Variants in WWOX observed in about 807,000 individuals in gnomAD.
WWOX encodes WW domain-containing oxidoreductase.
WWOX carries 69 observed loss-of-function variants against 46.2 expected under a neutral mutation model. The observed-to-expected ratio is 1.49, with a 90% CI of 1.23 to 1.82. WWOX has a LOEUF of 1.82. Ranked by LOEUF, WWOX falls within the 40% of genes most tolerant of loss-of-function variation. The pLI, the probability that WWOX is intolerant of heterozygous loss-of-function variation, is 0.00. For missense variants in WWOX, 919 were observed against 542.6 expected, an observed-to-expected ratio of 1.69 and a Z score of -6.89; for synonymous variants, 359 against 202.6, an observed-to-expected ratio of 1.77 and a Z score of -6.56.
intron 8 of WWOX, among the ~76,000 whole-genome samples, chr16:79,182,796 G>A (rs572055780): frequency 6.6e-6 from 1 of 152,294 alleles, no homozygotes; most frequent in Non-Finnish European, 1.5e-5. Context: ...CTTCGTGCCT[G>A]GCACAGAACG....
intron 5 of WWOX, among the ~76,000 whole-genome samples, chr16:78,239,881 C>T (rs775616029): frequency 1.3e-5 from 2 of 152,088 alleles, no homozygotes; most frequent in Admixed American, 6.5e-5. Context: ...CCTCAAGACT[C>T]ACAGGGAATG....
chr16:79,019,394 G>C (rs373152076), intron 8 of WWOX, among the ~76,000 whole-genome samples: 1 of 152,078 alleles, frequency 6.6e-6, no homozygotes, highest in African/African-American at 2.4e-5. Flanking sequence ...TATGCAACGT[G>C]TGATTGGGCT....
intron 5 of WWOX, among the ~76,000 whole-genome samples, chr16:78,313,574 C>A: frequency 6.6e-6 from 1 of 152,160 alleles, no homozygotes; most frequent in South Asian, 2.1e-4. Flanking sequence ...CCATGTTGGT[C>A]AGGCTGGCCT....
intron 8 of WWOX, among the ~76,000 whole-genome samples, chr16:78,588,530 G>T (rs943047198): frequency 6.6e-6 from 1 of 152,130 alleles, no homozygotes; most frequent in Non-Finnish European, 1.5e-5. Context: ...TCATGAAGAG[G>T]AATGAAATAC....
chr16:78,482,903 A>G (rs1187193490), intron 8 of WWOX, among the ~76,000 whole-genome samples: 2 of 152,192 alleles, frequency 1.3e-5, no homozygotes, highest in African/African-American at 4.8e-5. Context: ...GTTAAAAGGC[A>G]TGAAAAAGAA....
At chr16:78,535,181 G>C (rs912566515) in intron 8 of WWOX, 12 of 152,196 alleles carry the variant, frequency 7.9e-5, no homozygotes, top group Admixed American at 5.2e-4. Context: ...TCTTCGAACA[G>C]AGGCTGCAGA....
intron 8 of WWOX, among the ~76,000 whole-genome samples, chr16:79,051,796 C>T (rs1341891484): frequency 6.6e-6 from 1 of 152,204 alleles, no homozygotes; most frequent in Admixed American, 6.5e-5. Flanking sequence ...AAGACCTGTG[C>T]TAACATTCTT....
At chr16:78,532,386 C>T (rs934661374) in intron 8 of WWOX, among the ~76,000 whole-genome samples, 1 of 152,080 alleles carries the variant, frequency 6.6e-6, no homozygotes, top group Non-Finnish European at 1.5e-5. Flanking sequence ...GCCTTGAAAT[C>T]CTCATCTTTG....
intron 8 of WWOX, among the ~76,000 whole-genome samples, chr16:78,723,511 T>C (rs905512589): frequency 1.3e-5 from 2 of 152,212 alleles, no homozygotes; most frequent in Non-Finnish European, 2.9e-5. Context: ...CATCTTCTAC[T>C]ACCTTCTTCT....
chr16:78,536,206 C>T (rs1039646791), intron 8 of WWOX, among the ~76,000 whole-genome samples: 1 of 152,088 alleles, frequency 6.6e-6, no homozygotes, highest in Non-Finnish European at 1.5e-5. Flanking sequence ...TAATTTGGTG[C>T]CATTCTCCTC....
intron 3 of WWOX, among the ~76,000 whole-genome samples, 200 bp downstream of exon 3, chr16:78,110,035 C>T (rs954951739): frequency 2.6e-5 from 4 of 151,330 alleles, no homozygotes; most frequent in African/African-American, 7.3e-5. Flanking sequence ...CCCGCACACG[C>T]ATCCTTAAAA....
intron 8 of WWOX, among the ~76,000 whole-genome samples, chr16:79,131,487 C>A (rs920275847): frequency 6.6e-6 from 1 of 152,036 alleles, no homozygotes. Flanking sequence ...AAATGTTAAG[C>A]AATACCCCTG....
chr16:79,007,274 G>A (rs1385507603), intron 8 of WWOX, among the ~76,000 whole-genome samples: 1 of 152,136 alleles, frequency 6.6e-6, no homozygotes, highest in African/African-American at 2.4e-5. Flanking sequence ...CAAAGGGAGG[G>A]ACTTACATAA....
chr16:78,684,246 G>C (rs2047803081), intron 8 of WWOX, among the ~76,000 whole-genome samples: 4 of 152,328 alleles, frequency 2.6e-5, no homozygotes, highest in African/African-American at 9.6e-5. Context: ...GGACAGATTT[G>C]CCCTTGGCTC....
chr16:78,101,387 C>A (rs2031776699), intron 1 of WWOX, among the ~76,000 whole-genome samples: 1 of 116,438 alleles, frequency 8.6e-6, no homozygotes, highest in South Asian at 3.3e-4. Flanking sequence ...CGCTCCGTCG[C>A]CCAAACTGGA....
chr16:78,449,159 G>C (rs765229468), intron 8 of WWOX, among the ~76,000 whole-genome samples: 226 of 152,278 alleles, frequency 1.5e-3, no homozygotes, highest in Non-Finnish European at 1.0e-4. Context: ...TGGATTGAAG[G>C]CTTCCTTTCC....
intron 8 of WWOX, among the ~76,000 whole-genome samples, chr16:78,724,471 T>G (rs2048776562): frequency 6.6e-6 from 1 of 152,192 alleles, no homozygotes; most frequent in Admixed American, 6.5e-5. Context: ...GCACATTGCA[T>G]TATCATTATA....
At chr16:78,372,216 A>G (rs2081707339) in intron 5 of WWOX, among the ~76,000 whole-genome samples, 1 of 152,150 alleles carries the variant, frequency 6.6e-6, no homozygotes, top group Admixed American at 6.5e-5. Flanking sequence ...TCACACAGAG[A>G]ACATATTCAC....
chr16:79,025,908 C>T (rs946678681), intron 8 of WWOX, among the ~76,000 whole-genome samples: 2 of 146,484 alleles, frequency 1.4e-5, no homozygotes, highest in Non-Finnish European at 3.0e-5. Flanking sequence ...AAGTGATTCT[C>T]CTGCCTCACC....
Sources: allele counts gnomAD v4.1 joint callset (sites outside exome capture counted in the v4.1 genomes callset), GRCh38; gene constraint gnomAD v4.1.1; transcripts MANE v1.5; gene names NCBI Gene and HGNC (gene_info 2026-07-23, HGNC 2026-07-21).